PREP: variants seen among roughly 807,000 people sequenced by gnomAD.
PREP encodes the protein prolyl endopeptidase, also known as dJ355L5.1 (prolyl endopeptidase).
PREP carries 29 observed loss-of-function variants against 87.6 expected under a neutral mutation model. The ratio of observed to expected loss-of-function variants is 0.33; its 90% CI spans 0.25 to 0.45. The LOEUF (loss-of-function observed/expected upper bound fraction) is 0.45. Among genes scored for constraint, PREP ranks in the 20% least tolerant of loss-of-function variants. The pLI is 1.00. For synonymous variants in PREP, 337 were observed against 328.6 expected, an observed-to-expected ratio of 1.03 and a Z score of -0.28; for missense variants, 695 against 886.5, an observed-to-expected ratio of 0.78 and a Z score of 2.74.
intron 2 of PREP, among the ~76,000 whole-genome samples, chr6:105,385,890 G>A (rs1380869561): frequency 1.3e-5 from 2 of 152,198 alleles, no homozygotes; most frequent in African/African-American, 4.8e-5. Flanking sequence ...AGGAGGCCAA[G>A]GCAGGCAGAT....
At chr6:105,359,243 G>C (rs979229744) in intron 6 of PREP, among the ~76,000 whole-genome samples, 3 of 152,156 alleles carry the variant, frequency 2.0e-5, no homozygotes, top group Non-Finnish European at 4.4e-5. Context: ...GGGAGAGACA[G>C]ATACACTAAA....
chr6:105,397,371 C>A (rs566427492), intron 2 of PREP, among the ~76,000 whole-genome samples: 4 of 152,068 alleles, frequency 2.6e-5, no homozygotes, highest in African/African-American at 9.7e-5. Context: ...AATGCTCCCC[C>A]CTGCCCCTTC....
Position 105,327,947 on chromosome 6 carries a change from A to AT in PREP, c.1213+881dup, listed in dbSNP as rs199891428. 3.5e-3 allele frequency among the ~76,000 whole-genome samples: 520 copies of AT among 150,478 alleles called. 3 individuals carry two copies. Among genetic ancestry groups the AT allele is most frequent in the African/African-American group, 0.012 (478 of 41,138 alleles). On this transcript the variant is annotated intron_variant, in intron 9 of 14. Transcript: ENST00000652536. The stretch of plus-strand genomic sequence containing the variant: ...AAACAAAGCAAAATGAATGTGACCA[A>AT]TTTTTTTTTTAAGTTAAAAAGAGAG...
At chr6:105,356,805 TATC>T (rs531141975) in intron 6 of PREP, among the ~76,000 whole-genome samples, 16 of 152,248 alleles carry the variant, frequency 1.1e-4, no homozygotes, top group Non-Finnish European at 1.8e-4. Flanking sequence ...GTACCAGTTA[TATC>T]ATCATGTCCA....
chr6:105,291,722 T>C (rs1770300393), intron 10 of PREP, among the ~76,000 whole-genome samples: 1 of 152,196 alleles, frequency 6.6e-6, no homozygotes, highest in African/African-American at 2.4e-5. Context: ...TAAACTCCTG[T>C]CCTTCTAAGA....
chr6:105,401,407 T>C (rs1472906850), intron 1 of PREP, among the ~76,000 whole-genome samples: 1 of 152,210 alleles, frequency 6.6e-6, no homozygotes, highest in African/African-American at 2.4e-5. Context: ...AATGAATGAA[T>C]GACAACATTC....
At position 105,364,535 on chromosome 6, in the gene PREP, G is replaced by A. The variant is rs915660753; in HGVS notation, c.717+4368C>T. ...CAGCAAGCCAGAGAAATCTGCACAC[G>A]TCCACAAGCACATCCAGTCTCTGCC... On this transcript the variant is annotated intron_variant, in intron 6 of 14. Transcript: ENST00000652536. Among the ~76,000 whole-genome samples the A allele has an allele frequency of 5.9e-5, 9 of 152,262 alleles. 1 individual carries two copies. In the East Asian group the frequency reaches 1.5e-3, roughly 26 times the overall value.
chr6:105,341,636 C>T (rs552650858), intron 7 of PREP, among the ~76,000 whole-genome samples: 7 of 152,132 alleles, frequency 4.6e-5, no homozygotes, highest in South Asian at 2.1e-4. Flanking sequence ...ATTGATAGAC[C>T]GCTAGCAAGA....
At chr6:105,291,876 A>G (rs1179256336) in intron 10 of PREP, among the ~76,000 whole-genome samples, 1 of 152,210 alleles carries the variant, frequency 6.6e-6, no homozygotes, top group Non-Finnish European at 1.5e-5. Flanking sequence ...CATTTTAACA[A>G]TGTTCACTGC....
intron 10 of PREP, among the ~76,000 whole-genome samples, chr6:105,311,915 C>G (rs1301522277): frequency 6.6e-6 from 1 of 152,172 alleles, no homozygotes; most frequent in African/African-American, 2.4e-5. Context: ...TCTAAGGATT[C>G]TGAGCAATGG....
At chr6:105,369,102 T>C in intron 5 of PREP, 78 bp from the exon 6 acceptor site, 3 of 1,468,030 alleles carry the variant, frequency 2.0e-6, no homozygotes, top group South Asian at 1.2e-5. Context: ...TGCAGAATGC[T>C]AGACACATTT....
chr6:105,378,881 C>G (rs1453381034), intron 2 of PREP, among the ~76,000 whole-genome samples: 5 of 152,088 alleles, frequency 3.3e-5, no homozygotes, highest in Admixed American at 6.5e-5. Flanking sequence ...ACTCTAAGGG[C>G]CCATCCAAGC....
rs1324937532 is a variant in PREP, at chr6:105,274,392, C to T, written c.*3752G>A. Among the ~76,000 whole-genome samples the T allele has an allele frequency of 6.6e-6, 1 of 152,184 alleles. No individual in the cohort carries two copies. Among genetic ancestry groups the T allele is most frequent in the Non-Finnish European group, 1.5e-5 (1 of 68,020 alleles). ...CCATCGCCTCCTGAAGGCCCTGCCT[C>T]CTAATTCCATCACTTTGGGATTTAC... On this transcript the variant is annotated 3_prime_UTR_variant, in exon 15 of 15. Transcript: ENST00000652536.
At chr6:105,358,230 C>T (rs1772153886) in intron 6 of PREP, among the ~76,000 whole-genome samples, 1 of 151,866 alleles carries the variant, frequency 6.6e-6, no homozygotes, top group African/African-American at 2.4e-5. Context: ...ATAAATGAAA[C>T]ATTTACATTG....
intron 7 of PREP, among the ~76,000 whole-genome samples, chr6:105,341,412 C>T (rs939451704): frequency 7.2e-5 from 11 of 152,170 alleles, no homozygotes; most frequent in Non-Finnish European, 1.6e-4. Flanking sequence ...ATGTACAGCA[C>T]TAAATGCCCA....
chr6:105,372,389 T>C (rs1310636750), intron 5 of PREP, among the ~76,000 whole-genome samples: 1 of 152,180 alleles, frequency 6.6e-6, no homozygotes, highest in Non-Finnish European at 1.5e-5. Context: ...AACACAGGGA[T>C]TGTAAAACTT....
At chr6:105,356,686 A>T (rs1772107667) in intron 6 of PREP, among the ~76,000 whole-genome samples, 1 of 152,168 alleles carries the variant, frequency 6.6e-6, no homozygotes, top group Non-Finnish European at 1.5e-5. Flanking sequence ...TGTAGGATTT[A>T]CCTCTTTCCT....
At chr6:105,305,852 T>TC (rs202069794) in intron 10 of PREP, among the ~76,000 whole-genome samples, 3,709 of 148,214 alleles carry the variant, frequency 0.025, 146 homozygotes, top group African/African-American at 0.093. Context: ...TTCTTTTTTT[T>TC]TTGGGGGGGA....
At position 105,377,454 on chromosome 6, in the gene PREP, T is replaced by C; in HGVS notation, c.186A>G (p.Leu62=). 3.1e-6 allele frequency: 5 copies of C among 1,613,712 alleles called. No individual in the cohort carries two copies. The highest frequency in any genetic ancestry group is 4.2e-6 in the Non-Finnish European group (5 of 1,179,610). ...ATAGTTCAGTCATTCTCTCTTTGTA[T>C]AAACCTCTGATGGGACACTGCTCAA... ...PFLEQCPIRG[L]YKERMTELYD... Residue 62 remains leucine, a synonymous_variant, in exon 3 of 15, where the codon TTA becomes TTG. Coordinates refer to ENST00000652536, the MANE Select transcript of PREP (RefSeq NM_002726.5).
Sources: gnomAD v4.1 joint callset for allele counts (sites outside exome capture counted in the v4.1 genomes callset) on GRCh38, gnomAD v4.1.1 for gene constraint, MANE v1.5 for transcripts, NCBI Gene and HGNC (gene_info 2026-07-23, HGNC 2026-07-21) for gene names.